Variants in ZFYVE26 observed in about 807,000 individuals in gnomAD.
The protein encoded by ZFYVE26 is zinc finger FYVE domain-containing protein 26.
ZFYVE26 carries 181 observed loss-of-function variants against 276.5 expected under a neutral mutation model. That is an observed-to-expected ratio of 0.65 (90% CI 0.58 to 0.74). The LOEUF (loss-of-function observed/expected upper bound fraction) is 0.74, where lower values mean the gene tolerates loss of function less well. Ranked by LOEUF, ZFYVE26 falls within the 30% of genes least tolerant of loss-of-function variation. The pLI, the probability that ZFYVE26 is intolerant of heterozygous loss-of-function variation, is 0.00. For missense variants in ZFYVE26, 2,821 were observed against 3,097.9 expected (o/e 0.91, Z 2.12); for synonymous variants, 1,129 against 1,203.1 (o/e 0.94, Z 1.27).
chr14:67,774,470 C>T (rs1018391036), intron 27 of ZFYVE26, among the ~76,000 whole-genome samples: 2 of 151,062 alleles, frequency 1.3e-5, no homozygotes, highest in Admixed American at 6.6e-5. Context: ...CTGCACTCCA[C>T]CCTGAGCAAC....
intron 32 of ZFYVE26, among the ~76,000 whole-genome samples, chr14:67,763,630 C>T (rs1000057308): frequency 2.6e-5 from 4 of 152,154 alleles, no homozygotes; most frequent in African/African-American, 7.2e-5. Context: ...TGCACAATGA[C>T]GAAATCACCT....
intron 36 of ZFYVE26, 125 bp downstream of exon 36, chr14:67,755,823 T>C: frequency 8.6e-7 from 1 of 1,167,902 alleles, no homozygotes; most frequent in Non-Finnish European, 1.3e-6. Flanking sequence ...ATGGATTTGC[T>C]CTAGGGTCAG....
intron 23 of ZFYVE26, among the ~76,000 whole-genome samples, chr14:67,779,625 C>T (rs990610332): frequency 2.8e-4 from 43 of 152,112 alleles, no homozygotes; most frequent in African/African-American, 9.6e-4. Flanking sequence ...ATGGGAACTG[C>T]GAGTGGGAGT....
chr14:67,783,325 G>T lies in ZFYVE26; in HGVS notation c.3827C>A (p.Pro1276Gln), dbSNP rs766942556. The change falls in exon 21 of 42, where the codon CCG (proline) becomes CAG (glutamine). Residue 1276 changes from proline to glutamine, a missense_variant. Physicochemically the swap from Pro to Gln is moderately conservative, Grantham distance 76. Coordinates refer to ENST00000347230, the MANE Select transcript of ZFYVE26 (RefSeq NM_015346.4). ...DDLPLSTPSSPRTTENPTLER... is the reference protein window; with the variant it reads ...DDLPLSTPSSQRTTENPTLER... ...CAATGTAGGGTTCTCAGTTGTCCTC[G>T]GGGAGCTCGGTGTAGAAAGTGGGAG... 1 of 1,612,968 alleles carries T rather than the reference G, an allele frequency of 6.2e-7. No homozygotes were observed. Among genetic ancestry groups the T allele is most frequent in the Non-Finnish European group, 8.5e-7 (1 of 1,179,084 alleles).
At chr14:67,805,184 TG>T (rs764355501) in intron 8 of ZFYVE26, 32 bp downstream of exon 8, 1 of 1,596,440 alleles carries the variant, frequency 6.3e-7, no homozygotes, top group Non-Finnish European at 8.6e-7. Flanking sequence ...CTGTGCCCTG[TG>T]GTGGGCAGGC....
chr14:67,752,308 T>C (rs763797298), intron 40 of ZFYVE26, 36 bp downstream of exon 40: 22 of 1,590,422 alleles, frequency 1.4e-5, no homozygotes, highest in Non-Finnish European at 1.8e-5. Context: ...ACACTGAAAT[T>C]GATGGAGGAG....
chr14:67,755,197 C>T lies in ZFYVE26; in HGVS notation c.6840G>A (p.Lys2280=), dbSNP rs1397780175. Residue 2280 remains lysine, a synonymous_variant, in exon 37 of 42, where the codon AAG becomes AAA. Transcript: ENST00000347230. ...GCTTCTCTCCCAGTTCTGTATATGA[C>T]TTTGCTTTGTGACTGAAGAACCGAA... ...TCIRFFSHKA[K]SYTELGEKLS... 1.2e-6 allele frequency: 2 copies of T among 1,614,052 alleles called. No individual in the cohort carries two copies. The highest frequency in any genetic ancestry group is 1.3e-5 in the African/African-American group (1 of 74,912).
intron 39 of ZFYVE26, among the ~76,000 whole-genome samples, chr14:67,753,411 G>A (rs1195243369): frequency 6.6e-6 from 1 of 152,222 alleles, no homozygotes; most frequent in East Asian, 1.9e-4. Context: ...CATATTCCCT[G>A]TGAGAACCAG....
rs778124175 is a variant in ZFYVE26 at position 67,780,331 on chromosome 14, C to T, written c.4584G>A (p.Gln1528=). 1.2e-6 allele frequency: 2 copies of T among 1,613,692 alleles called. No individual in the cohort carries two copies. Among genetic ancestry groups the T allele is most frequent in the South Asian group, 2.2e-5 (2 of 91,014 alleles). ...LQVYQKILGL[Q]SPPVWCDWQT... ...GCCAGTCACACCACACTGGGGGAGA[C>T]TGCAAACCCAGAATCTAAGGAAAGA... The change falls in exon 23 of 42, where the codon CAG becomes CAA. Residue 1528 remains glutamine, a synonymous_variant. Coordinates refer to ENST00000347230, the MANE Select transcript of ZFYVE26 (RefSeq NM_015346.4).
chr14:67,815,439 G>T, intron 2 of ZFYVE26: 1 of 350,882 alleles, frequency 2.8e-6, no homozygotes, highest in Non-Finnish European at 5.4e-6. Flanking sequence ...TCATAAGCAA[G>T]AAGAGAGCAG....
chr14:67,758,245 T>C (rs958201066), intron 35 of ZFYVE26, among the ~76,000 whole-genome samples: 4 of 152,208 alleles, frequency 2.6e-5, no homozygotes, highest in African/African-American at 4.8e-5. Flanking sequence ...GGTTAGGGGC[T>C]TCTTTCCTGA....
At chr14:67,760,935 G>A (rs1404261226) in intron 35 of ZFYVE26, 4 of 404,826 alleles carry the variant, frequency 9.9e-6, no homozygotes, top group Non-Finnish European at 1.8e-5. Context: ...TTACTTCCTG[G>A]CCCTTGTAGT....
intron 23 of ZFYVE26, 92 bp from the exon 24 acceptor site, chr14:67,778,340 TAAGTGCTGATGGG>T: frequency 6.5e-7 from 1 of 1,534,656 alleles, no homozygotes; most frequent in Non-Finnish European, 9.0e-7. Context: ...GGAATGTTTA[TAAGTGCTGATGGG>T]AACTTCACTA....
At chr14:67,734,216 T>C (rs936054228) in intron 13 of ZFYVE26, 15 of 285,460 alleles carry the variant, frequency 5.3e-5, no homozygotes, top group Non-Finnish European at 9.0e-5. Flanking sequence ...GCACCATCAC[T>C]GCCTATTTCT....
chr14:67,776,358 C>A lies in ZFYVE26; in HGVS notation c.4975-252G>T, dbSNP rs12891047. 0.62 allele frequency among the ~76,000 whole-genome samples: 94,568 copies of A among 152,014 alleles called. 30,201 individuals carry two copies. The highest frequency in any genetic ancestry group is 0.92 in the East Asian group (4,781 of 5,174). On this transcript the variant is annotated intron_variant, in intron 25 of 41. Transcript: ENST00000347230. ...TTTCCTATAAAGGATCAGAGAGTAA[C>A]TATTTCAGGCTTCATGGTCCATAAT...
At chr14:67,752,584 G>T in intron 39 of ZFYVE26, 58 bp from the exon 40 acceptor site, 1 of 1,582,982 alleles carries the variant, frequency 6.3e-7, no homozygotes, top group Non-Finnish European at 8.7e-7. Context: ...GGTGGGGAGG[G>T]AGGCAGCATT....
intron 13 of ZFYVE26, among the ~76,000 whole-genome samples, chr14:67,736,803 G>A (rs1029450473): frequency 2.6e-5 from 4 of 152,198 alleles, no homozygotes; most frequent in Admixed American, 6.5e-5. Context: ...AGGGGAGTGA[G>A]AGAAGCGGGA....
chr14:67,804,419 C>T (rs2040136832), intron 8 of ZFYVE26, among the ~76,000 whole-genome samples, 155 bp from the exon 9 acceptor site: 1 of 152,132 alleles, frequency 6.6e-6, no homozygotes, highest in South Asian at 2.1e-4. Flanking sequence ...TGGGACTGAG[C>T]CTAACATTTA....
intron 27 of ZFYVE26, 89 bp from the exon 28 acceptor site, chr14:67,772,299 C>T (rs1184736392): frequency 2.8e-6 from 4 of 1,421,996 alleles, no homozygotes; most frequent in East Asian, 2.4e-5. Flanking sequence ...TACCATTTTA[C>T]AAACCGTTAT....
Sources: gnomAD v4.1 joint callset for allele counts (sites outside exome capture counted in the v4.1 genomes callset) on GRCh38, gnomAD v4.1.1 for gene constraint, MANE v1.5 for transcripts, NCBI Gene and HGNC (gene_info 2026-07-23, HGNC 2026-07-21) for gene names.